VWA8: variants seen among roughly 807,000 people sequenced by gnomAD.
VWA8 encodes von Willebrand factor A domain containing 8, also known as von Willebrand factor A domain-containing protein 8.
Under a neutral mutation model 241.5 loss-of-function variants are expected in VWA8, and 221 were observed. The observed-to-expected ratio is 0.91, with a 90% CI of 0.82 to 1.02. VWA8 has a LOEUF of 1.02. Ranked by LOEUF, VWA8 falls within the 50% of genes least tolerant of loss-of-function variation. The pLI is 0.00. For missense variants in VWA8, 2,322 were observed against 2,328.7 expected (o/e 1.00, Z 0.06); for synonymous variants, 852 against 827.1 (o/e 1.03, Z -0.52).
At chr13:41,945,905 T>C (rs1002412186) in intron 2 of VWA8, among the ~76,000 whole-genome samples, 7 of 151,942 alleles carry the variant, frequency 4.6e-5, no homozygotes, top group African/African-American at 1.7e-4. Flanking sequence ...AATTTCCACA[T>C]CCCATCCAAG....
chr13:41,959,081 T>C (rs547774271), intron 1 of VWA8, among the ~76,000 whole-genome samples: 1 of 152,314 alleles, frequency 6.6e-6, no homozygotes, highest in East Asian at 1.9e-4. Context: ...ACAAACTTGG[T>C]TTCATGTCTT....
At chr13:41,952,942 CA>C (rs1878202021) in intron 1 of VWA8, among the ~76,000 whole-genome samples, 1 of 151,844 alleles carries the variant, frequency 6.6e-6, no homozygotes, top group Non-Finnish European at 1.5e-5. Flanking sequence ...CCTGAAGGGG[CA>C]AGGGGAGAGA....
chr13:41,784,759 TATAC>T (rs370231050), intron 18 of VWA8, among the ~76,000 whole-genome samples: 10,878 of 92,696 alleles, frequency 0.12, 1,475 homozygotes, highest in Middle Eastern at 0.21. Flanking sequence ...TATATATATA[TATAC>T]ACACACACAC....
chr13:41,842,477 T>G (rs1409315765), intron 12 of VWA8, among the ~76,000 whole-genome samples: 2 of 152,164 alleles, frequency 1.3e-5, no homozygotes, highest in Non-Finnish European at 1.5e-5. Context: ...CTGCTGTCAA[T>G]GGGGAAAAGT....
At chr13:41,764,475 C>CT (rs1359935804) in intron 20 of VWA8, among the ~76,000 whole-genome samples, 1 of 152,104 alleles carries the variant, frequency 6.6e-6, no homozygotes, top group Non-Finnish European at 1.5e-5. Flanking sequence ...AGCTTATAGT[C>CT]TAGTAGGGAA....
At chr13:41,665,048 T>A (rs1436554651) in intron 37 of VWA8, among the ~76,000 whole-genome samples, 1 of 152,118 alleles carries the variant, frequency 6.6e-6, no homozygotes, top group Non-Finnish European at 1.5e-5. Context: ...CTGACAAAAT[T>A]TTTTCCAAAC....
At chr13:41,668,923 T>C (rs78220689) in intron 37 of VWA8, among the ~76,000 whole-genome samples, 1 of 152,334 alleles carries the variant, frequency 6.6e-6, no homozygotes, top group Non-Finnish European at 1.5e-5. Context: ...TTCTGAATTA[T>C]ACAACTTTAT....
At chr13:41,734,272 G>A (rs1465008732) in intron 21 of VWA8, among the ~76,000 whole-genome samples, 1 of 152,074 alleles carries the variant, frequency 6.6e-6, no homozygotes, top group Non-Finnish European at 1.5e-5. Flanking sequence ...TGGGAGGCGG[G>A]GGTTGCAGTG....
Position 41,587,613 on chromosome 13 carries a change from T to C in VWA8, c.5170A>G (p.Ser1724Gly), listed in dbSNP as rs527636291. 204 of 1,614,222 alleles carry C rather than the reference T, an allele frequency of 1.3e-4. No homozygotes were observed. Among genetic ancestry groups the C allele is most frequent in the Admixed American group, 1.7e-4 (10 of 60,026 alleles). The change falls in exon 42 of 45, where the codon AGC (serine) becomes GGC (glycine). Residue 1724 changes from serine to glycine, a missense_variant. Ser to Gly is a moderately conservative substitution (Grantham distance 56). Coordinates refer to ENST00000379310, the MANE Select transcript of VWA8 (RefSeq NM_015058.2). ...TCCATCCTGTTGAAACGGTACATGC[T>C]ACCAGACACATCTACCACCAGGCGC... ...RLRLVVDVSG[S>G]MYRFNRMDGR... is the part of the protein sequence containing the mutation.
At chr13:41,759,290 C>A (rs981213953) in intron 21 of VWA8, among the ~76,000 whole-genome samples, 1 of 151,538 alleles carries the variant, frequency 6.6e-6, no homozygotes, top group Non-Finnish European at 1.5e-5. Context: ...CAGGAGAAGT[C>A]AGCAGTCACT....
At chr13:41,777,104 T>C (rs1248632131) in intron 20 of VWA8, among the ~76,000 whole-genome samples, 1 of 152,156 alleles carries the variant, frequency 6.6e-6, no homozygotes, top group East Asian at 1.9e-4. Context: ...TTTTCATACG[T>C]TCCTCCATAA....
chr13:41,706,955 A>G (rs1033173207), intron 26 of VWA8, among the ~76,000 whole-genome samples: 3 of 152,196 alleles, frequency 2.0e-5, no homozygotes, highest in African/African-American at 7.2e-5. Context: ...AATGTCATTC[A>G]TGAATTTATG....
At chr13:41,858,069 T>C (rs1872831751) in intron 12 of VWA8, among the ~76,000 whole-genome samples, 1 of 152,116 alleles carries the variant, frequency 6.6e-6, no homozygotes, top group Non-Finnish European at 1.5e-5. Flanking sequence ...AGGCTTCTCT[T>C]AGAACTACAC....
chr13:41,722,927 C>T (rs1044369307), intron 24 of VWA8, among the ~76,000 whole-genome samples: 1 of 152,094 alleles, frequency 6.6e-6, no homozygotes, highest in Non-Finnish European at 1.5e-5. Context: ...ATGTGGGAGA[C>T]ATACTGTGTA....
chr13:41,631,790 T>G (rs9594597), intron 37 of VWA8, among the ~76,000 whole-genome samples: 2 of 152,010 alleles, frequency 1.3e-5, no homozygotes, highest in Non-Finnish European at 2.9e-5. Context: ...GTTATCATTG[T>G]GTGTAGGTGA....
chr13:41,598,459 T>C (rs1172225238), intron 40 of VWA8, among the ~76,000 whole-genome samples: 1 of 152,092 alleles, frequency 6.6e-6, no homozygotes, highest in African/African-American at 2.4e-5. Context: ...TTAGACCTGA[T>C]TTTGTGTTGA....
rs562169408 is a variant in VWA8, at chr13:41,587,494, C to T, written c.5271+18G>A. The T allele has an allele frequency of 1.7e-5, 28 of 1,613,928 alleles. No homozygotes were observed. The East Asian group carries it at 4.0e-4, about 23-fold the overall frequency. On this transcript the variant is annotated intron_variant, in intron 42 of 44. Coordinates refer to ENST00000379310, the MANE Select transcript of VWA8 (RefSeq NM_015058.2). The stretch of plus-strand genomic sequence containing the variant: ...ATGGTCAATGATGCCTCTCATTATT[C>T]TTAGTTCATGTCATTACCTGGAACT...
chr13:41,959,123 T>A (rs190090325), intron 1 of VWA8, among the ~76,000 whole-genome samples: 1 of 152,188 alleles, frequency 6.6e-6, no homozygotes, highest in African/African-American at 2.4e-5. Context: ...AATTCTCAAA[T>A]AGCTAAAACT....
At chr13:41,935,116 G>T (rs1566044727) in intron 2 of VWA8, among the ~76,000 whole-genome samples, 1 of 152,020 alleles carries the variant, frequency 6.6e-6, no homozygotes. Flanking sequence ...CAGCCATACT[G>T]GAAGCAAAGA....
Sources: allele counts gnomAD v4.1 joint callset (sites outside exome capture counted in the v4.1 genomes callset), GRCh38; gene constraint gnomAD v4.1.1; transcripts MANE v1.5; gene names NCBI Gene and HGNC (gene_info 2026-07-23, HGNC 2026-07-21).